The following SPOCK1 variants were observed in gnomAD, a reference collection of about 807,000 sequenced individuals.
SPOCK1 encodes the protein SPARC (osteonectin), cwcv and kazal like domains proteoglycan 1, also known as testican-1.
Under a neutral mutation model 55.3 loss-of-function variants are expected in SPOCK1, and 23 were observed. That is an observed-to-expected ratio of 0.42 (90% CI 0.30 to 0.59). SPOCK1 has a LOEUF of 0.59. Among genes scored for constraint, SPOCK1 ranks in the 20% least tolerant of loss-of-function variants. The pLI, the probability that SPOCK1 is intolerant of heterozygous loss-of-function variation, is 0.22. For synonymous variants in SPOCK1, 226 were observed against 221.0 expected, an observed-to-expected ratio of 1.02 and a Z score of -0.20; for missense variants, 499 against 552.5, an observed-to-expected ratio of 0.90 and a Z score of 0.97.
At chr5:137,102,149 G>T (rs1473338234) in intron 5 of SPOCK1, among the ~76,000 whole-genome samples, 2 of 151,898 alleles carry the variant, frequency 1.3e-5, no homozygotes, top group East Asian at 3.9e-4. Flanking sequence ...CACTTCTTCT[G>T]CTGAAAAAAA....
intron 3 of SPOCK1, among the ~76,000 whole-genome samples, chr5:137,207,057 C>A (rs1021339302): frequency 6.6e-6 from 1 of 152,186 alleles, no homozygotes; most frequent in African/African-American, 2.4e-5. Context: ...ATAAATATAC[C>A]TATATATAAA....
intron 6 of SPOCK1, among the ~76,000 whole-genome samples, chr5:136,998,451 T>G (rs1252642748): frequency 6.6e-6 from 1 of 152,232 alleles, no homozygotes; most frequent in Non-Finnish European, 1.5e-5. Flanking sequence ...CAAACAGCTA[T>G]TAAGTGGAAG....
In SPOCK1 at chr5:137,204,577, T is replaced by C. The variant is rs141165199; in HGVS notation, c.232+62433A>G. Reference sequence around the variant, plus strand: ...GCCCATCACCCTGTACCATAGATTCTACCTCTAAAACATACTCCCAAGACT... The same window carrying C: ...GCCCATCACCCTGTACCATAGATTCCACCTCTAAAACATACTCCCAAGACT... On this transcript the variant is annotated intron_variant, in intron 3 of 10. Transcript: ENST00000394945. Among the ~76,000 whole-genome samples the C allele has an allele frequency of 2.8e-3, 428 of 152,190 alleles. 2 individuals carry two copies. Among genetic ancestry groups the C allele is most frequent in the African/African-American group, 9.4e-3 (389 of 41,518 alleles).
intron 4 of SPOCK1, among the ~76,000 whole-genome samples, chr5:137,132,476 G>C (rs1212253834): frequency 1.3e-5 from 2 of 152,096 alleles, no homozygotes; most frequent in African/African-American, 4.8e-5. Flanking sequence ...AATAAGCAAG[G>C]ATACCAATAA....
intron 3 of SPOCK1, among the ~76,000 whole-genome samples, chr5:137,160,593 A>ATT (rs1554100836): frequency 1.5e-4 from 11 of 71,008 alleles, no homozygotes; most frequent in East Asian, 5.1e-4. Flanking sequence ...TATAATATAT[A>ATT]ATATATTATA....
At chr5:137,013,488 C>A (rs889023242) in intron 6 of SPOCK1, among the ~76,000 whole-genome samples, 14 of 152,216 alleles carry the variant, frequency 9.2e-5, no homozygotes, top group African/African-American at 3.1e-4. Context: ...TATGACCACA[C>A]AACATTTTTT....
intron 2 of SPOCK1, among the ~76,000 whole-genome samples, chr5:137,328,642 T>C (rs9327784): frequency 0.19 from 29,302 of 152,138 alleles, 2,922 homozygotes; most frequent in East Asian, 0.26. Flanking sequence ...AAGTGTTTTA[T>C]ATGAATTATT....
chr5:137,207,642 T>C (rs1399163028), intron 3 of SPOCK1, among the ~76,000 whole-genome samples: 1 of 152,014 alleles, frequency 6.6e-6, no homozygotes, highest in Non-Finnish European at 1.5e-5. Flanking sequence ...GAGGTGGCAA[T>C]ATGACTCAGG....
intron 3 of SPOCK1, among the ~76,000 whole-genome samples, chr5:137,164,159 A>C (rs1754607766): frequency 1.3e-5 from 2 of 152,168 alleles, no homozygotes; most frequent in African/African-American, 4.8e-5. Flanking sequence ...AGAATATTCA[A>C]AATAACCCAT....
intron 2 of SPOCK1, among the ~76,000 whole-genome samples, chr5:137,396,598 T>A (rs562173555): frequency 6.6e-6 from 1 of 152,224 alleles, no homozygotes; most frequent in African/African-American, 2.4e-5. Flanking sequence ...CAGCTACCTA[T>A]GAGCACACAT....
chr5:136,995,810 A>G (rs1235762920), intron 6 of SPOCK1, among the ~76,000 whole-genome samples: 1 of 152,196 alleles, frequency 6.6e-6, no homozygotes, highest in Non-Finnish European at 1.5e-5. Flanking sequence ...CAGGCACTGA[A>G]ATCCTGAAAG....
intron 3 of SPOCK1, among the ~76,000 whole-genome samples, chr5:137,223,243 G>C (rs553684302): frequency 8.7e-4 from 132 of 151,320 alleles, no homozygotes; most frequent in African/African-American, 2.6e-3. Flanking sequence ...ATGAACTTTT[G>C]ATGACAAATT....
chr5:137,458,654 T>C (rs1009331679), intron 2 of SPOCK1, among the ~76,000 whole-genome samples: 1 of 152,226 alleles, frequency 6.6e-6, no homozygotes, highest in Non-Finnish European at 1.5e-5. Context: ...AAGGGTTCCA[T>C]TTCTTGTTTG....
intron 6 of SPOCK1, among the ~76,000 whole-genome samples, chr5:137,027,036 T>A (rs963523658): frequency 6.6e-5 from 10 of 152,204 alleles, no homozygotes; most frequent in African/African-American, 2.2e-4. Context: ...ACTCATGTAT[T>A]TTTATGATTG....
At chr5:137,465,531 T>C (rs1011293722) in intron 2 of SPOCK1, among the ~76,000 whole-genome samples, 7 of 152,036 alleles carry the variant, frequency 4.6e-5, no homozygotes, top group African/African-American at 1.7e-4. Flanking sequence ...TATTGAACTG[T>C]CAGGGATTTT....
chr5:137,028,823 A>G (rs938274334), intron 6 of SPOCK1, among the ~76,000 whole-genome samples: 11 of 152,134 alleles, frequency 7.2e-5, no homozygotes, highest in African/African-American at 2.7e-4. Flanking sequence ...TCAAATAGGA[A>G]AAAAGAAAAA....
intron 2 of SPOCK1, among the ~76,000 whole-genome samples, chr5:137,366,269 T>C (rs746933985): frequency 3.3e-5 from 5 of 152,104 alleles, no homozygotes; most frequent in African/African-American, 9.7e-5. Context: ...TTTGATGTTT[T>C]CAAAATAGAA....
chr5:137,205,868 T>C (rs1355071558), intron 3 of SPOCK1, among the ~76,000 whole-genome samples: 2 of 152,202 alleles, frequency 1.3e-5, no homozygotes, highest in East Asian at 3.8e-4. Flanking sequence ...TCTGTATAAA[T>C]TAATTCATCT....
At chr5:137,223,953 G>C (rs908550767) in intron 3 of SPOCK1, among the ~76,000 whole-genome samples, 3 of 152,192 alleles carry the variant, frequency 2.0e-5, no homozygotes, top group Non-Finnish European at 4.4e-5. Context: ...AATAATAAGA[G>C]AATGGTTAAG....
Sources: allele counts gnomAD v4.1 joint callset (sites outside exome capture counted in the v4.1 genomes callset), GRCh38; gene constraint gnomAD v4.1.1; transcripts MANE v1.5; gene names NCBI Gene and HGNC (gene_info 2026-07-23, HGNC 2026-07-21).